The following DOCK10 variants were observed in gnomAD, a reference collection of about 807,000 sequenced individuals.
DOCK10 encodes dedicator of cytokinesis 10, also known as dedicator of cytokinesis protein 10.
DOCK10 carries 145 observed loss-of-function variants against 280.1 expected under a neutral mutation model. That is an observed-to-expected ratio of 0.52 (90% confidence interval 0.45 to 0.59). DOCK10 has a LOEUF of 0.59. Among genes scored for constraint, DOCK10 ranks in the 20% least tolerant of loss-of-function variants. The probability of loss-of-function intolerance (pLI) is 0.00; values close to 1 mark genes in which losing one functional copy is unlikely to be tolerated. For missense variants in DOCK10, 2,368 were observed against 2,651.7 expected (o/e 0.89, Z 2.35); for synonymous variants, 915 against 942.2 (o/e 0.97, Z 0.53).
intron 23 of DOCK10, among the ~76,000 whole-genome samples, chr2:224,841,108 A>T (rs950353742): frequency 2.6e-5 from 4 of 152,150 alleles, no homozygotes; most frequent in African/African-American, 9.7e-5. Context: ...GGGGCTAGGG[A>T]GGGGAGTGCT....
chr2:224,782,343 C>A lies in DOCK10; in HGVS notation c.5656-4059G>T, dbSNP rs143828327. On this transcript the variant is annotated intron_variant, in intron 50 of 55. Transcript: ENST00000258390. ...CTTTGGTGGATAGAATAAAATTCTT[C>A]CAGGTCTTTTACTTAATTAATTCCA... is the stretch of plus-strand genomic sequence containing the variant. 3.1e-3 allele frequency among the ~76,000 whole-genome samples: 474 copies of A among 152,226 alleles called. 1 individual carries two copies. The highest frequency in any genetic ancestry group is 0.01 in the African/African-American group (420 of 41,552).
At chr2:224,844,258 G>C (rs1696176056) in intron 22 of DOCK10, among the ~76,000 whole-genome samples, 1 of 152,090 alleles carries the variant, frequency 6.6e-6, no homozygotes, top group Non-Finnish European at 1.5e-5. Flanking sequence ...AGCCTCCCAA[G>C]TGGCTGGGAT....
At chr2:225,001,289 CTTTT>C (rs141808105) in intron 1 of DOCK10, among the ~76,000 whole-genome samples, 3 of 128,270 alleles carry the variant, frequency 2.3e-5, no homozygotes, top group Non-Finnish European at 3.2e-5. Context: ...TACAACAGAC[CTTTT>C]TTTTTTTTTT....
In DOCK10 at chr2:224,787,310, T is replaced by C. The variant is rs760277700; in HGVS notation, c.5506A>G (p.Ile1836Val). Residue 1836 changes from isoleucine to valine, a missense_variant, in exon 49 of 56, where the codon ATC becomes GTC. Coordinates refer to ENST00000258390, the MANE Select transcript of DOCK10 (RefSeq NM_014689.3). ...CGTTGTTTCTCAAAGACAGCAATGA[T>C]GGGCTTGTTGACATCAGCAATGAGT... ...YELIADVNKP[I>V]IAVFEKQRDF... The C allele has an allele frequency of 6.2e-7, 1 of 1,614,044 alleles. No individual in the cohort carries two copies. The highest frequency in any genetic ancestry group is 8.5e-7 in the Non-Finnish European group (1 of 1,179,892).
In DOCK10 at chr2:224,864,846, A is replaced by G; in HGVS notation, c.1479+20T>C. 6.2e-7 allele frequency: 1 copy of G among 1,613,402 alleles called. No individual in the cohort carries two copies. The highest frequency in any genetic ancestry group is 8.5e-7 in the Non-Finnish European group (1 of 1,179,398). On this transcript the variant is annotated intron_variant, in intron 12 of 55. Transcript: ENST00000258390. Reference sequence around the variant, plus strand: ...TGGTACAAGCATTTTCCATCTCATCACAAGTAAACAAAGTGCCACCTGCTT... The same window carrying G: ...TGGTACAAGCATTTTCCATCTCATCGCAAGTAAACAAAGTGCCACCTGCTT...
intron 50 of DOCK10, among the ~76,000 whole-genome samples, chr2:224,784,125 C>T (rs1316724683): frequency 6.6e-6 from 1 of 152,160 alleles, no homozygotes; most frequent in East Asian, 1.9e-4. Context: ...CTTTCTCCAT[C>T]TCTGGAGACT....
rs1693503506 is a variant in DOCK10, at chr2:224,807,853, T to G, written c.3585+58A>C. The G allele has an allele frequency of 2.5e-6, 4 of 1,586,344 alleles. No homozygotes were observed. In the East Asian group the frequency reaches 9.0e-5, roughly 36 times the overall value. On this transcript the variant is annotated intron_variant, in intron 32 of 55. Coordinates refer to ENST00000258390, the MANE Select transcript of DOCK10 (RefSeq NM_014689.3). ...AATAGGCTTGTCGGTTTCATATGCATTTAATGCAGTGAGCCATTAAATGGT... is the reference window on the plus strand; with the variant it reads ...AATAGGCTTGTCGGTTTCATATGCAGTTAATGCAGTGAGCCATTAAATGGT...
chr2:224,801,574 C>T (rs1459909808), intron 40 of DOCK10, among the ~76,000 whole-genome samples: 3 of 152,154 alleles, frequency 2.0e-5, no homozygotes, highest in Non-Finnish European at 4.4e-5. Flanking sequence ...CAAGAGGTCA[C>T]CCTTGCTGCT....
chr2:224,918,363 G>A (rs1454628167), intron 2 of DOCK10, among the ~76,000 whole-genome samples: 1 of 150,274 alleles, frequency 6.7e-6, no homozygotes, highest in African/African-American at 2.5e-5. Context: ...GTGCAATTGG[G>A]TGGGTGTGTC....
At chr2:225,002,929 G>A (rs1706478032) in intron 1 of DOCK10, among the ~76,000 whole-genome samples, 1 of 152,240 alleles carries the variant, frequency 6.6e-6, no homozygotes, top group Non-Finnish European at 1.5e-5. Context: ...AACCACATCA[G>A]TGTGGTCTGT....
chr2:224,774,322 C>A (rs1445034634), intron 52 of DOCK10, among the ~76,000 whole-genome samples: 1 of 152,174 alleles, frequency 6.6e-6, no homozygotes, highest in Non-Finnish European at 1.5e-5. Context: ...CTTTCTCCTA[C>A]CAGACTGTGA....
At chr2:224,823,795 C>T in intron 27 of DOCK10, 148 bp from the exon 28 acceptor site, 3 of 685,630 alleles carry the variant, frequency 4.4e-6, no homozygotes, top group Non-Finnish European at 6.6e-6. Flanking sequence ...AAATAGAAGC[C>T]TTTTACTTTC....
chr2:224,901,953 C>T (rs1056771185), intron 3 of DOCK10, among the ~76,000 whole-genome samples: 3 of 152,130 alleles, frequency 2.0e-5, no homozygotes, highest in Non-Finnish European at 2.9e-5. Context: ...TTATAGTGGA[C>T]GTTCAATATT....
intron 1 of DOCK10, among the ~76,000 whole-genome samples, chr2:224,994,551 A>G (rs987491815): frequency 4.6e-5 from 7 of 152,202 alleles, no homozygotes; most frequent in Non-Finnish European, 1.0e-4. Flanking sequence ...AAACATTGTC[A>G]CAACAAAGAT....
At chr2:224,877,630 T>C (rs1698723354) in intron 7 of DOCK10, among the ~76,000 whole-genome samples, 2 of 152,220 alleles carry the variant, frequency 1.3e-5, no homozygotes, top group South Asian at 4.1e-4. Flanking sequence ...GTAGGTACTT[T>C]AGATTGGGTG....
At chr2:224,942,404 A>G (rs981160203) in intron 1 of DOCK10, among the ~76,000 whole-genome samples, 1 of 152,194 alleles carries the variant, frequency 6.6e-6, no homozygotes, top group Non-Finnish European at 1.5e-5. Context: ...GTCCATTTCC[A>G]ACATTCATTC....
In DOCK10 at chr2:224,830,618, G is replaced by A; in HGVS notation, c.2965-6C>T. ...GCAAAGAAGAACCAGGAATGCTGTT[G>A]GGAAAAAAAAGGCAACGAGACATTT... On this transcript the variant is annotated splice_region_variant and splice_polypyrimidine_tract_variant and intron_variant, in intron 26 of 55. Transcript: ENST00000258390. 1 of 1,205,570 alleles carries A rather than the reference G, an allele frequency of 8.3e-7. No individual in the cohort carries two copies. The highest frequency in any genetic ancestry group is 1.1e-6 in the Non-Finnish European group (1 of 912,330). The allele number at this position is 1,205,570 out of a possible 1,614,324, so 74.7% of individuals were successfully genotyped here. A position where few individuals can be genotyped will look rare whatever the true frequency, so the allele number is the denominator to read the frequency against.
In DOCK10 at chr2:224,805,728, C is replaced by G. The variant is rs1263395936; in HGVS notation, c.3815-199G>C. ...GCTTTAGTAAAAGTTCATAAAGATA[C>G]TTTTGGGAAGGGGCTTTCAACTTTT... On this transcript the variant is annotated intron_variant, in intron 34 of 55. Transcript: ENST00000258390. This position sits in a 1 kb window ranked among gnomAD's most constrained non-coding sequence, Gnocchi z 4.3. Among the ~76,000 whole-genome samples, 1 of 152,110 alleles carries G rather than the reference C, an allele frequency of 6.6e-6. No individual in the cohort carries two copies. The highest frequency in any genetic ancestry group is 6.6e-5 in the Admixed American group (1 of 15,254).
At chr2:224,838,399 A>G (rs1431103700) in intron 24 of DOCK10, among the ~76,000 whole-genome samples, 1 of 152,146 alleles carries the variant, frequency 6.6e-6, no homozygotes, top group South Asian at 2.1e-4. Flanking sequence ...TCACATTAAC[A>G]CTACCAGCTG....
Sources: allele counts gnomAD v4.1 joint callset (sites outside exome capture counted in the v4.1 genomes callset), GRCh38; gene constraint gnomAD v4.1.1; non-coding constraint Gnocchi (gnomAD v3.1); transcripts MANE v1.5; gene names NCBI Gene and HGNC (gene_info 2026-07-23, HGNC 2026-07-21).